TRIP4: variants seen among roughly 807,000 people sequenced by gnomAD.
The protein encoded by TRIP4 is thyroid hormone receptor interactor 4.
In TRIP4, 54 loss-of-function variants were observed where a neutral mutation model predicts 81.8. That is an observed-to-expected ratio of 0.66 (90% CI 0.53 to 0.83). The LOEUF is 0.83. TRIP4 is among the 40% of genes least tolerant of loss of function. TRIP4 has a pLI of 0.00. For missense variants in TRIP4, 662 were observed against 683.6 expected, an observed-to-expected ratio of 0.97 and a Z score of 0.35; for synonymous variants, 270 against 242.8, an observed-to-expected ratio of 1.11 and a Z score of -1.04.
chr15:64,397,109 G>T (rs1278800351), intron 3 of TRIP4, among the ~76,000 whole-genome samples: 1 of 151,896 alleles, frequency 6.6e-6, no homozygotes, highest in East Asian at 1.9e-4. Context: ...TCGCTCTGTT[G>T]CCCAGTGGCG....
intron 11 of TRIP4, among the ~76,000 whole-genome samples, chr15:64,442,117 A>G (rs1892530118): frequency 6.6e-6 from 1 of 152,096 alleles, no homozygotes; most frequent in African/African-American, 2.4e-5. Flanking sequence ...AGGTCATGGT[A>G]AGCAAGGACT....
chr15:64,403,152 G>A (rs539902904), intron 5 of TRIP4, among the ~76,000 whole-genome samples: 2 of 148,088 alleles, frequency 1.4e-5, no homozygotes, highest in South Asian at 2.2e-4. Flanking sequence ...GCGAGCCACC[G>A]CACCCCTATT....
chr15:64,452,731 A>C (rs527659154), intron 12 of TRIP4, among the ~76,000 whole-genome samples: 2 of 152,304 alleles, frequency 1.3e-5, no homozygotes, highest in South Asian at 4.1e-4. Flanking sequence ...AAATTATTCC[A>C]ATTTACATTT....
At chr15:64,426,130 G>A (rs954954940) in intron 11 of TRIP4, among the ~76,000 whole-genome samples, 8 of 151,912 alleles carry the variant, frequency 5.3e-5, no homozygotes, top group Admixed American at 2.0e-4. Flanking sequence ...AAGTATATAG[G>A]GTCTTCATCC....
chr15:64,408,124 C>G (rs1016362670), intron 6 of TRIP4, among the ~76,000 whole-genome samples: 1 of 146,056 alleles, frequency 6.8e-6, no homozygotes, highest in African/African-American at 2.5e-5. Flanking sequence ...CTCCAGAGTA[C>G]TGTTAAAAAA....
In TRIP4 at chr15:64,396,266, C is replaced by CTTT. The variant is rs60341744; in HGVS notation, c.405+761_405+763dup. On this transcript the variant is annotated intron_variant, in intron 3 of 12. Transcript: ENST00000261884. ...TAGTGTGTACTCTTGTATCTAGCTG[C>CTTT]TTTTTTTTTTTTTTTTTTTTTTTTT... Among the ~76,000 whole-genome samples the CTTT allele has an allele frequency of 1.7e-3, 108 of 64,716 alleles. 8 individuals carry two copies. Among genetic ancestry groups the CTTT allele is most frequent in the African/African-American group, 5.9e-3 (103 of 17,584 alleles). The allele number at this position is 64,716 out of a possible 152,430, so 42.5% of individuals were successfully genotyped here. A position where few individuals can be genotyped will look rare whatever the true frequency, so the allele number is the denominator to read the frequency against.
chr15:64,409,435 T>G (rs991277587), intron 6 of TRIP4, among the ~76,000 whole-genome samples, 178 bp from the exon 7 acceptor site: 2 of 152,184 alleles, frequency 1.3e-5, no homozygotes, highest in Non-Finnish European at 2.9e-5. Flanking sequence ...TGTCTTTTCT[T>G]GCCTGAGGTT....
rs751253809 is a variant in TRIP4, at chr15:64,409,653, T to C, written c.868T>C (p.Phe290Leu). 35 of 1,614,100 alleles carry C rather than the reference T, an allele frequency of 2.2e-5. No individual in the cohort carries two copies. The highest frequency in any genetic ancestry group is 2.6e-5 in the Non-Finnish European group (31 of 1,180,046). ...TQVIDDESDY[F>L]ASDSNQWLSK... ...AGTCATTGATGATGAGTCAGATTAC[T>C]TTGCCAGTGATTCTAACCAATGGTT... Residue 290 changes from phenylalanine to leucine, a missense_variant, in exon 7 of 13, where the codon TTT becomes CTT. Coordinates refer to ENST00000261884, the MANE Select transcript of TRIP4 (RefSeq NM_016213.5).
chr15:64,430,177 C>T (rs552829191), intron 11 of TRIP4, among the ~76,000 whole-genome samples: 1 of 152,326 alleles, frequency 6.6e-6, no homozygotes, highest in South Asian at 2.1e-4. Flanking sequence ...TTTTTATCTT[C>T]TAAGATTAGT....
Position 64,387,952 on chromosome 15 carries a change from A to G in TRIP4, c.89A>G (p.Glu30Gly), listed in dbSNP as rs1330879443. ...LRKTFGLDVS[E>G]EIIQYVLSIE... ...AAGACTTTCGGCCTGGATGTCAGCGAGGAGATCATTCAGTGAGAACAGTTC... is the reference window on the plus strand; with the variant it reads ...AAGACTTTCGGCCTGGATGTCAGCGGGGAGATCATTCAGTGAGAACAGTTC... The change falls in exon 1 of 13, where the codon GAG becomes GGG. Residue 30 changes from glutamate (E) to glycine (G), a missense_variant. By Grantham distance (98) the Glu-to-Gly change is moderately conservative (BLOSUM62 -2). Transcript: ENST00000261884. 1 of 1,550,786 alleles carries G rather than the reference A, an allele frequency of 6.4e-7. No homozygotes were observed. The highest frequency in any genetic ancestry group is 8.7e-7 in the Non-Finnish European group (1 of 1,146,784).
chr15:64,413,541 G>A (rs565689791), intron 7 of TRIP4, among the ~76,000 whole-genome samples: 4 of 151,894 alleles, frequency 2.6e-5, no homozygotes, highest in South Asian at 2.1e-4. Context: ...TGACTGTAGC[G>A]TGCCCTATGT....
chr15:64,399,800 C>T (rs1660919718), intron 4 of TRIP4, among the ~76,000 whole-genome samples: 1 of 151,852 alleles, frequency 6.6e-6, no homozygotes, highest in African/African-American at 2.4e-5. Context: ...TGCGCCTGGC[C>T]CTTGTTTGTT....
chr15:64,441,023 C>T (rs1056399358), intron 11 of TRIP4, among the ~76,000 whole-genome samples: 1 of 151,102 alleles, frequency 6.6e-6, no homozygotes, highest in South Asian at 2.1e-4. Flanking sequence ...GACCGAGTCT[C>T]GCTCTGTCAC....
At chr15:64,391,206 G>C (rs562564059) in intron 1 of TRIP4, among the ~76,000 whole-genome samples, 81 of 151,774 alleles carry the variant, frequency 5.3e-4, no homozygotes, top group Admixed American at 1.1e-3. Context: ...GCCCAGGCTG[G>C]AGTGCAGTGG....
intron 7 of TRIP4, among the ~76,000 whole-genome samples, chr15:64,411,541 G>A (rs764142544): frequency 1.1e-4 from 16 of 152,088 alleles, no homozygotes; most frequent in Non-Finnish European, 2.1e-4. Context: ...GGAGGCCAAG[G>A]TGGGAGGATC....
chr15:64,400,954 T>TTG lies in TRIP4; in HGVS notation c.697+134_697+135insGT, dbSNP rs913448425. 5.5e-6 allele frequency: 4 copies of TTG among 728,854 alleles called. No homozygotes were observed. In the East Asian group the frequency reaches 8.2e-5, roughly 15 times the overall value. 45.1% of individuals were successfully genotyped at this position (728,854 alleles called of 1,614,324 possible). A position where few individuals can be genotyped will look rare whatever the true frequency, so the allele number is the denominator to read the frequency against. The stretch of plus-strand genomic sequence containing the variant: ...CATTCTCAGTTTTTTTGGGGGGTTT[T>TTG]TTTTGTTTTGTTTTGTTTTGTTTTG... On this transcript the variant is annotated intron_variant, in intron 5 of 12. Transcript: ENST00000261884.
intron 11 of TRIP4, among the ~76,000 whole-genome samples, chr15:64,433,774 C>G (rs796175679): frequency 2.6e-5 from 4 of 152,210 alleles, no homozygotes; most frequent in African/African-American, 9.6e-5. Context: ...TAATGGCAAA[C>G]CAGTTCATTG....
chr15:64,407,575 G>A (rs1017356450), intron 6 of TRIP4, among the ~76,000 whole-genome samples: 3 of 152,080 alleles, frequency 2.0e-5, no homozygotes, highest in Non-Finnish European at 4.4e-5. Context: ...GCTGAGGCAG[G>A]AGAATGGCAT....
At position 64,409,834 on chromosome 15, in the gene TRIP4, T is replaced by C. The variant is rs946852289; in HGVS notation, c.1043+6T>C. On this transcript the variant is annotated splice_donor_region_variant and intron_variant, in intron 7 of 12. Coordinates refer to ENST00000261884, the MANE Select transcript of TRIP4 (RefSeq NM_016213.5). ...CTAGCAGAGTATCATAGCAGGTAAG[T>C]GAGCAGCACTAGAAAGGGTCTCAAA... The C allele has an allele frequency of 1.9e-6, 3 of 1,613,194 alleles. No individual in the cohort carries two copies. The highest frequency in any genetic ancestry group is 2.5e-6 in the Non-Finnish European group (3 of 1,179,404).
Sources: gnomAD v4.1 joint callset for allele counts (sites outside exome capture counted in the v4.1 genomes callset) on GRCh38, gnomAD v4.1.1 for gene constraint, MANE v1.5 for transcripts, NCBI Gene and HGNC (gene_info 2026-07-23, HGNC 2026-07-21) for gene names.